The following MON2 variants were observed in gnomAD, a reference collection of about 807,000 sequenced individuals.
MON2 encodes MON2 regulator of endosome-to-Golgi trafficking.
Under a neutral mutation model 208.6 loss-of-function variants are expected in MON2, and 84 were observed. The ratio of observed to expected loss-of-function variants is 0.40; its 90% CI spans 0.34 to 0.48. MON2 has a LOEUF of 0.48. MON2 is among the 20% of genes least tolerant of loss of function. The pLI, the probability that MON2 is intolerant of heterozygous loss-of-function variation, is 0.59. For missense variants in MON2, 1,611 were observed against 2,015.4 expected (o/e 0.80, Z 3.84); for synonymous variants, 660 against 694.0 (o/e 0.95, Z 0.77).
intron 8 of MON2, among the ~76,000 whole-genome samples, chr12:62,511,414 C>T (rs2071392084): frequency 1.3e-5 from 2 of 152,124 alleles, no homozygotes; most frequent in Non-Finnish European, 2.9e-5. Context: ...TAAAGACACA[C>T]ACAAAAACCC....
At chr12:62,498,598 A>G (rs1373058610) in intron 4 of MON2, among the ~76,000 whole-genome samples, 1 of 152,232 alleles carries the variant, frequency 6.6e-6, no homozygotes, top group East Asian at 1.9e-4. Flanking sequence ...TCTCCAGATC[A>G]TTAAGTGATA....
chr12:62,548,499 T>G (rs561331778), intron 22 of MON2, among the ~76,000 whole-genome samples: 1 of 152,322 alleles, frequency 6.6e-6, no homozygotes, highest in Non-Finnish European at 1.5e-5. Context: ...CACTTTTGTT[T>G]TGATGACTAG....
In MON2 at chr12:62,500,926, G is replaced by C. The variant is rs780367108; in HGVS notation, c.663+46G>C. On this transcript the variant is annotated intron_variant, in intron 6 of 34. Transcript: ENST00000393630. ...AATTTTTATTCTAAAATATAGTTTT[G>C]TGTGAATTTTTTAGTTGGGGATTTT... 4.1e-6 allele frequency: 5 copies of C among 1,230,896 alleles called. No homozygotes were observed. In the East Asian group the frequency reaches 1.3e-4, roughly 32 times the overall value. The allele number at this position is 1,230,896 out of a possible 1,614,324, so 76.2% of individuals were successfully genotyped here. A position where few individuals can be genotyped will look rare whatever the true frequency, so the allele number is the denominator to read the frequency against.
In MON2 at chr12:62,592,500, A is replaced by G. The variant is rs976674561; in HGVS notation, c.4991-86A>G. 7.6e-6 allele frequency: 8 copies of G among 1,050,908 alleles called. No homozygotes were observed. The African/African-American group carries it at 7.9e-5, about 10-fold the overall frequency. The allele number at this position is 1,050,908 out of a possible 1,614,324, so 65.1% of individuals were successfully genotyped here. A position where few individuals can be genotyped will look rare whatever the true frequency, so the allele number is the denominator to read the frequency against. On this transcript the variant is annotated intron_variant, in intron 34 of 34. Transcript: ENST00000393630. ...TCATGTTTCAGAGTTTTTTCTTTAC[A>G]TGCAGTTTAAAGGATTGTGTTCATG...
chr12:62,533,228 T>C (rs1222068953), intron 12 of MON2, among the ~76,000 whole-genome samples: 1 of 152,208 alleles, frequency 6.6e-6, no homozygotes, highest in Non-Finnish European at 1.5e-5. Flanking sequence ...ACTGTATCAT[T>C]ACATTAGGAA....
At chr12:62,541,226 CA>C (rs1420163715) in intron 19 of MON2, among the ~76,000 whole-genome samples, 1 of 152,020 alleles carries the variant, frequency 6.6e-6, no homozygotes, top group Non-Finnish European at 1.5e-5. Flanking sequence ...ACTAAAAGTA[CA>C]AAAATTAGCC....
intron 33 of MON2, among the ~76,000 whole-genome samples, chr12:62,587,186 C>T (rs2075245683): frequency 6.6e-6 from 1 of 152,100 alleles, no homozygotes; most frequent in South Asian, 2.1e-4. Context: ...TTCTTCATTG[C>T]TAATGTCTCC....
intron 1 of MON2, among the ~76,000 whole-genome samples, chr12:62,468,288 G>A (rs1488400614): frequency 6.6e-6 from 1 of 151,906 alleles, no homozygotes; most frequent in Non-Finnish European, 1.5e-5. Context: ...CCCCTGCCTC[G>A]GCCTCCCAAA....
At chr12:62,519,339 T>C (rs1453723329) in intron 8 of MON2, among the ~76,000 whole-genome samples, 2 of 152,012 alleles carry the variant, frequency 1.3e-5, no homozygotes, top group Non-Finnish European at 2.9e-5. Flanking sequence ...AGGGGAATGC[T>C]GGGAGGGAGT....
intron 7 of MON2, among the ~76,000 whole-genome samples, chr12:62,502,355 C>T (rs928769288): frequency 1.3e-5 from 2 of 150,346 alleles, no homozygotes; most frequent in African/African-American, 4.9e-5. Context: ...GAGCCGTGTT[C>T]AAGCCACTAC....
chr12:62,495,176 T>A, intron 4 of MON2, 29 bp downstream of exon 4: 1 of 1,578,690 alleles, frequency 6.3e-7, no homozygotes, highest in South Asian at 1.2e-5. Context: ...AGAGTTCATA[T>A]GTGCTTTGAG....
chr12:62,590,351 C>T (rs2075358788), intron 34 of MON2, among the ~76,000 whole-genome samples: 2 of 152,210 alleles, frequency 1.3e-5, no homozygotes, highest in South Asian at 2.1e-4. Flanking sequence ...CCTTGGCCTC[C>T]GAAAGTGCTG....
At chr12:62,490,572 A>G (rs2070071119) in intron 2 of MON2, among the ~76,000 whole-genome samples, 1 of 152,142 alleles carries the variant, frequency 6.6e-6, no homozygotes, top group African/African-American at 2.4e-5. Flanking sequence ...ACCACTTTTT[A>G]AAGAAGAAAA....
intron 26 of MON2, among the ~76,000 whole-genome samples, chr12:62,562,818 T>C (rs1001742831): frequency 6.6e-6 from 1 of 152,184 alleles, no homozygotes; most frequent in African/African-American, 2.4e-5. Context: ...TCTTCCTCAG[T>C]GCTTTTATAT....
At chr12:62,560,434 G>A (rs2074155501) in intron 25 of MON2, 57 bp from the exon 26 acceptor site, 1 of 1,498,812 alleles carries the variant, frequency 6.7e-7, no homozygotes, top group South Asian at 1.3e-5. Flanking sequence ...TGTCTAATAT[G>A]AAGAGAAAAT....
At chr12:62,550,285 T>G (rs1043629000) in intron 23 of MON2, among the ~76,000 whole-genome samples, 8 of 152,114 alleles carry the variant, frequency 5.3e-5, no homozygotes, top group African/African-American at 1.9e-4. Flanking sequence ...ATCCCAGCAC[T>G]TTGGGAGGCT....
chr12:62,517,728 AT>A (rs2136152961), intron 8 of MON2, among the ~76,000 whole-genome samples: 1 of 152,164 alleles, frequency 6.6e-6, no homozygotes, highest in East Asian at 1.9e-4. Context: ...TAACAAATAA[AT>A]TTCTGTCATT....
chr12:62,468,546 T>C lies in MON2; in HGVS notation c.111+1228T>C, dbSNP rs375768185. 5.9e-5 allele frequency among the ~76,000 whole-genome samples: 9 copies of C among 152,236 alleles called. No homozygotes were observed. In the East Asian group the frequency reaches 1.3e-3, roughly 23 times the overall value. On this transcript the variant is annotated intron_variant, in intron 1 of 34. Transcript: ENST00000393630. ...GACTTTTCTGTAAGTGCATTGGTTT[T>C]ATCAGTTTTCAACAAACTCCATCTT...
rs1162820706 is a variant in MON2 at position 62,498,221 on chromosome 12, AGGT to A, written c.436-695_436-693del. On this transcript the variant is annotated intron_variant, in intron 4 of 34. Coordinates refer to ENST00000393630, the MANE Select transcript of MON2 (RefSeq NM_015026.3). ...CACAAATATTATTCTAAGTGGAAGA[AGGT>A]GGGCCCAAATGAGCACATACTGAAT... 2.3e-4 allele frequency among the ~76,000 whole-genome samples: 35 copies of A among 152,320 alleles called. No individual in the cohort carries two copies. In the Middle Eastern group the frequency reaches 0.01, roughly 44 times the overall value.
Sources: allele counts gnomAD v4.1 joint callset (sites outside exome capture counted in the v4.1 genomes callset), GRCh38; gene constraint gnomAD v4.1.1; transcripts MANE v1.5; gene names NCBI Gene and HGNC (gene_info 2026-07-23, HGNC 2026-07-21).